RNPS1: variants seen among roughly 807,000 people sequenced by gnomAD.
RNPS1 encodes RNA-binding protein with serine-rich domain 1.
For synonymous variants in RNPS1, 147 were observed against 150.0 expected (o/e 0.98, Z 0.15); for missense variants, 300 against 427.6 (o/e 0.70, Z 2.63).
At position 2,264,205 on chromosome 16, in the gene RNPS1, G is replaced by A. The variant is rs905112436; in HGVS notation, c.198C>T (p.Arg66=). The A allele has an allele frequency of 6.8e-6, 11 of 1,613,638 alleles. No individual in the cohort carries two copies. Among genetic ancestry groups the A allele is most frequent in the Admixed American group, 3.3e-5 (2 of 60,020 alleles). ...TACTGCTGCTACCACTGGAAGCGCT[G>A]CGCCTCTTTCGGGTTTTGTCCCGGC... is the stretch of plus-strand genomic sequence containing the variant. ...DRGRDKTRKR[R]SASSGSSSTR... Residue 66 remains arginine, a synonymous_variant, in exon 3 of 8, where the codon CGC becomes CGT. Coordinates refer to ENST00000320225, the MANE Select transcript of RNPS1 (RefSeq NM_080594.4).
chr16:2,254,376 C>T (rs2093567196), intron 7 of RNPS1, among the ~76,000 whole-genome samples: 1 of 152,014 alleles, frequency 6.6e-6, no homozygotes. Context: ...GAGGCGCAAT[C>T]TCGGCCTCCC....
chr16:2,259,916 A>C (rs1803263962), intron 6 of RNPS1, among the ~76,000 whole-genome samples: 2 of 152,228 alleles, frequency 1.3e-5, no homozygotes, highest in Admixed American at 6.5e-5. Context: ...AGCGTTCATT[A>C]ATATCAAGCA....
intron 6 of RNPS1, among the ~76,000 whole-genome samples, chr16:2,259,805 T>C (rs2093594933): frequency 6.6e-6 from 1 of 151,994 alleles, no homozygotes; most frequent in Admixed American, 6.6e-5. Context: ...AGGAGAATGG[T>C]GTGAACCCAG....
intron 6 of RNPS1, among the ~76,000 whole-genome samples, chr16:2,260,286 G>C (rs2093597666): frequency 6.6e-6 from 1 of 150,630 alleles, no homozygotes; most frequent in South Asian, 2.1e-4. Flanking sequence ...CTCCCAAGTA[G>C]CTGGGACCAC....
chr16:2,264,677 C>T lies in RNPS1; in HGVS notation c.-34G>A, dbSNP rs374115825. The T allele has an allele frequency of 3.4e-5, 54 of 1,606,842 alleles. No homozygotes were observed. Among genetic ancestry groups the T allele is most frequent in the Admixed American group, 8.4e-5 (5 of 59,722 alleles). ...TCTGAGGTGTTCAAAGCAGCAATGG[C>T]GGCCTCACTTATCTGAACTCTCACT... is the stretch of plus-strand genomic sequence containing the variant. On this transcript the variant is annotated 5_prime_UTR_variant, in exon 2 of 8. Coordinates refer to ENST00000320225, the MANE Select transcript of RNPS1 (RefSeq NM_080594.4).
At position 2,253,933 on chromosome 16, in the gene RNPS1, A is replaced by G. The variant is rs555419755; in HGVS notation, c.*31T>C. ...ACAAAACTGAGCTGGGTGGGGTATA[A>G]GTTACAGGGGCGAGAGCTTCAGTGG... On this transcript the variant is annotated 3_prime_UTR_variant, in exon 8 of 8. Transcript: ENST00000320225. 71 of 1,537,694 alleles carry G rather than the reference A, an allele frequency of 4.6e-5. No individual in the cohort carries two copies. Among genetic ancestry groups the G allele is most frequent in the Non-Finnish European group, 5.6e-5 (63 of 1,134,360 alleles).
intron 1 of RNPS1, 79 bp downstream of exon 1, chr16:2,267,976 C>T (rs1285433376): frequency 1.0e-5 from 16 of 1,533,224 alleles, no homozygotes; most frequent in Non-Finnish European, 1.3e-5. Flanking sequence ...GAGGAGTGGA[C>T]CGGCTTCACG....
chr16:2,264,277 G>A lies in RNPS1; in HGVS notation c.126C>T (p.Arg42=), dbSNP rs774510398. 3.7e-6 allele frequency: 6 copies of A among 1,614,024 alleles called. No homozygotes were observed. The highest frequency in any genetic ancestry group is 5.1e-6 in the Non-Finnish European group (6 of 1,180,038). Residue 42 remains arginine, a synonymous_variant, in exon 3 of 8, where the codon CGC becomes CGT. Coordinates refer to ENST00000320225, the MANE Select transcript of RNPS1 (RefSeq NM_080594.4). ...CCTTGGTGGCCCCTTTATCTTTTGA[G>A]CGATCCTTGGACTTCTCATCTGAGC... ...KDRSDEKSKD[R]SKDKGATKES...
chr16:2,266,582 C>T, intron 1 of RNPS1: 14 of 985,138 alleles, frequency 1.4e-5, no homozygotes, highest in Non-Finnish European at 1.7e-5. Flanking sequence ...ATGTTAGGAG[C>T]AAGAGTTGTA....
intron 1 of RNPS1, chr16:2,266,363 C>T (rs1459133510): frequency 1.0e-6 from 1 of 985,292 alleles, no homozygotes. Flanking sequence ...GATAGTGCCT[C>T]GACACTCTTT....
At chr16:2,262,216 T>C in intron 6 of RNPS1, 62 bp downstream of exon 6, 2 of 1,529,564 alleles carry the variant, frequency 1.3e-6, no homozygotes, top group South Asian at 1.2e-5. Flanking sequence ...GGAAATCAGT[T>C]TGAAAGCCCC....
At chr16:2,261,915 T>C (rs1261228696) in intron 6 of RNPS1, among the ~76,000 whole-genome samples, 1 of 152,234 alleles carries the variant, frequency 6.6e-6, no homozygotes, top group Non-Finnish European at 1.5e-5. Context: ...TAAAAGTCAG[T>C]AACTTATGTC....
rs776703032 is a variant in RNPS1 at position 2,260,147 on chromosome 16, C to CTTT, written c.676+2128_676+2130dup. ...AACTATTTGTGTGTGTGTGTGTATT[C>CTTT]TTTTTTTTTTTTTTTTTTTTTTTTT... On this transcript the variant is annotated intron_variant, in intron 6 of 7. Transcript: ENST00000320225. 6.8e-4 allele frequency among the ~76,000 whole-genome samples: 49 copies of CTTT among 72,430 alleles called. 3 individuals are homozygous for CTTT. Among genetic ancestry groups the CTTT allele is most frequent in the East Asian group, 1.5e-3 (4 of 2,756 alleles). The allele number at this position is 72,430 out of a possible 152,430, so 47.5% of individuals were successfully genotyped here.
Position 2,268,117 on chromosome 16 carries a change from C to A in RNPS1, c.-180G>T, listed in dbSNP as rs1256041465. 1 of 1,534,308 alleles carries A rather than the reference C, an allele frequency of 6.5e-7. No homozygotes were observed. The highest frequency in any genetic ancestry group is 1.4e-5 in the African/African-American group (1 of 72,956). On this transcript the variant is annotated 5_prime_UTR_variant, in exon 1 of 8. Coordinates refer to ENST00000320225, the MANE Select transcript of RNPS1 (RefSeq NM_080594.4). Reference sequence around the variant, plus strand: ...GCCGCCGAGGCCGGCGCCGCTCTGACGTCAGAGTCAAGGAGCGGGAAGTCG... The same window carrying A: ...GCCGCCGAGGCCGGCGCCGCTCTGAAGTCAGAGTCAAGGAGCGGGAAGTCG...
intron 7 of RNPS1, among the ~76,000 whole-genome samples, chr16:2,254,740 CT>C (rs11315814): frequency 0.44 from 45,685 of 103,452 alleles, 8,621 homozygotes; most frequent in East Asian, 0.5. Flanking sequence ...AAAGTTTTAC[CT>C]TTTTTTTTTT....
At chr16:2,264,448 C>G (rs2093616766) in intron 2 of RNPS1, 117 bp from the exon 3 acceptor site, 5 of 1,543,582 alleles carry the variant, frequency 3.2e-6, no homozygotes, top group Non-Finnish European at 4.5e-6. Context: ...GACCACAGAG[C>G]AAAGTGGTCT....
At chr16:2,254,818 T>C (rs549271138) in intron 7 of RNPS1, among the ~76,000 whole-genome samples, 1 of 145,552 alleles carries the variant, frequency 6.9e-6, no homozygotes, top group East Asian at 2.1e-4. Flanking sequence ...CTTGGCTCAC[T>C]GCAAGCTCCA....
Position 2,262,275 on chromosome 16 carries a change from C to T in RNPS1, c.676+3G>A, listed in dbSNP as rs2093606140. ...GTCAGGGTTATGTGGCAGGGTCACC[C>T]ACCTCCATCCATGTGCTTCAGCGCC... On this transcript the variant is annotated splice_donor_region_variant and intron_variant, in intron 6 of 7. Coordinates refer to ENST00000320225, the MANE Select transcript of RNPS1 (RefSeq NM_080594.4). 6.2e-7 allele frequency: 1 copy of T among 1,612,072 alleles called. No individual in the cohort carries two copies. Among genetic ancestry groups the T allele is most frequent in the Admixed American group, 1.7e-5 (1 of 59,966 alleles).
intron 6 of RNPS1, among the ~76,000 whole-genome samples, chr16:2,260,068 A>G (rs1176742358): frequency 1.3e-5 from 2 of 152,066 alleles, no homozygotes; most frequent in Admixed American, 6.6e-5. Context: ...TACGCCTAGG[A>G]ACAAAACTTG....
Sources: allele counts gnomAD v4.1 joint callset (sites outside exome capture counted in the v4.1 genomes callset), GRCh38; gene constraint gnomAD v4.1.1; transcripts MANE v1.5; gene names NCBI Gene and HGNC (gene_info 2026-07-23, HGNC 2026-07-21).